The following SNTG2 variants were observed in gnomAD, a reference collection of about 807,000 sequenced individuals.
The protein encoded by SNTG2 is gamma-2-syntrophin.
In SNTG2, 74 loss-of-function variants were observed where a neutral mutation model predicts 70.9. That is an observed-to-expected ratio of 1.04 (90% confidence interval 0.86 to 1.27). SNTG2 has a LOEUF of 1.27. Among genes scored for constraint, SNTG2 ranks in the 50% most tolerant of loss-of-function variants. The probability of loss-of-function intolerance (pLI) is 0.00; values close to 1 mark genes in which losing one functional copy is unlikely to be tolerated. For synonymous variants in SNTG2, 278 were observed against 273.8 expected, an observed-to-expected ratio of 1.02 and a Z score of -0.15; for missense variants, 717 against 690.7, an observed-to-expected ratio of 1.04 and a Z score of -0.43.
At chr2:1,051,542 G>T (rs772198274) in intron 1 of SNTG2, among the ~76,000 whole-genome samples, 1 of 152,256 alleles carries the variant, frequency 6.6e-6, no homozygotes, top group South Asian at 2.1e-4. Context: ...ATTTGTACTC[G>T]GGGCAGCTTC....
At chr2:1,054,599 C>T (rs1021404221) in intron 1 of SNTG2, among the ~76,000 whole-genome samples, 12 of 152,096 alleles carry the variant, frequency 7.9e-5, no homozygotes, top group African/African-American at 2.2e-4. Context: ...CCCACAGAGC[C>T]GCCTTGGTGA....
At chr2:1,180,596 A>G (rs1671814926) in intron 8 of SNTG2, among the ~76,000 whole-genome samples, 1 of 147,750 alleles carries the variant, frequency 6.8e-6, no homozygotes, top group Non-Finnish European at 1.5e-5. Context: ...GTGGAGAAAT[A>G]GGAACACTTT....
intron 14 of SNTG2, among the ~76,000 whole-genome samples, chr2:1,268,055 T>C (rs908050437): frequency 6.6e-6 from 1 of 152,334 alleles, no homozygotes; most frequent in East Asian, 1.9e-4. Flanking sequence ...GAATTGCTTT[T>C]CTCTTCCTGA....
At chr2:1,361,790 AAGGTCACCGATGCT>A (rs1265808607) in intron 16 of SNTG2, among the ~76,000 whole-genome samples, 13 of 152,066 alleles carry the variant, frequency 8.5e-5, no homozygotes, top group Non-Finnish European at 1.0e-4. Context: ...AACTTCCATG[AAGGTCACCGATGCT>A]GAGCATTTCA....
intron 4 of SNTG2, among the ~76,000 whole-genome samples, chr2:1,106,678 G>A (rs1666181910): frequency 7.3e-6 from 1 of 136,344 alleles, no homozygotes; most frequent in Non-Finnish European, 1.5e-5. Flanking sequence ...GGTATGGAGA[G>A]CTCCTTGGTA....
chr2:1,239,598 A>T, intron 10 of SNTG2, 140 bp from the exon 11 acceptor site: 1 of 770,842 alleles, frequency 1.3e-6, no homozygotes, highest in Non-Finnish European at 2.1e-6. Flanking sequence ...GACTCTGGCT[A>T]GGTCTTCAGA....
At chr2:1,253,312 A>G (rs1677870027) in intron 12 of SNTG2, among the ~76,000 whole-genome samples, 1 of 151,502 alleles carries the variant, frequency 6.6e-6, no homozygotes, top group African/African-American at 2.4e-5. Flanking sequence ...CTCTTCCATC[A>G]CACTTTGGAA....
chr2:1,035,538 G>T (rs1351250041), intron 1 of SNTG2, among the ~76,000 whole-genome samples: 1 of 152,158 alleles, frequency 6.6e-6, no homozygotes, highest in Non-Finnish European at 1.5e-5. Context: ...TTCTAAAGAT[G>T]CTCATTGTGT....
chr2:1,224,822 G>A (rs1027797390), intron 9 of SNTG2, among the ~76,000 whole-genome samples: 19 of 152,166 alleles, frequency 1.2e-4, no homozygotes, highest in African/African-American at 4.3e-4. Flanking sequence ...CAGACGCAGC[G>A]TTTCCATCCC....
intron 15 of SNTG2, among the ~76,000 whole-genome samples, chr2:1,314,689 C>T (rs1232486244): frequency 2.6e-5 from 4 of 152,208 alleles, no homozygotes; most frequent in Admixed American, 2.6e-4. Context: ...AGTCCATTCT[C>T]ATACTGCTAT....
intron 16 of SNTG2, among the ~76,000 whole-genome samples, chr2:1,329,835 A>G (rs1659428711): frequency 6.6e-6 from 1 of 152,156 alleles, no homozygotes; most frequent in Non-Finnish European, 1.5e-5. Flanking sequence ...TTCTCTGTCA[A>G]GACAGTTGCT....
At chr2:1,305,269 C>T (rs984105402) in intron 14 of SNTG2, among the ~76,000 whole-genome samples, 18 of 152,216 alleles carry the variant, frequency 1.2e-4, no homozygotes, top group African/African-American at 4.1e-4. Flanking sequence ...CAAATGACTA[C>T]ACCAAATGAG....
intron 9 of SNTG2, among the ~76,000 whole-genome samples, chr2:1,234,158 C>T (rs192804981): frequency 3.3e-4 from 50 of 152,198 alleles, no homozygotes; most frequent in African/African-American, 1.1e-3. Context: ...CCGTGAAACT[C>T]GGAGGAAACA....
Position 1,162,366 on chromosome 2 carries a change from G to A in SNTG2, c.412-3182G>A, listed in dbSNP as rs192592259. Among the ~76,000 whole-genome samples, 15 of 152,286 alleles carry A rather than the reference G, an allele frequency of 9.8e-5. No homozygotes were observed. In the East Asian group the frequency reaches 1.5e-3, roughly 16 times the overall value. On this transcript the variant is annotated intron_variant, in intron 6 of 16. Coordinates refer to ENST00000308624, the MANE Select transcript of SNTG2 (RefSeq NM_018968.4). ...CTGGCTGGGCGACAGACTCACATAC[G>A]GAAGCTGTGTGTGGCCTGGTCCTTT...
intron 6 of SNTG2, chr2:1,163,520 A>G (rs1572615447): frequency 6.7e-6 from 1 of 148,818 alleles, no homozygotes; most frequent in African/African-American, 2.5e-5. Flanking sequence ...AGGAAGTGGC[A>G]TGTGAGGCCT....
Position 1,188,565 on chromosome 2 carries a change from G to A in SNTG2, c.591+15382G>A, listed in dbSNP as rs1027426379. 2.0e-5 allele frequency among the ~76,000 whole-genome samples: 3 copies of A among 152,124 alleles called. No homozygotes were observed. In the East Asian group the frequency reaches 5.8e-4, roughly 29 times the overall value. Reference sequence around the variant, plus strand: ...AATTCAATATATATACAATAATAATGAGCAATACCAGAAAACACATGTTAA... The same window carrying A: ...AATTCAATATATATACAATAATAATAAGCAATACCAGAAAACACATGTTAA... On this transcript the variant is annotated intron_variant, in intron 8 of 16. Coordinates refer to ENST00000308624, the MANE Select transcript of SNTG2 (RefSeq NM_018968.4).
intron 14 of SNTG2, among the ~76,000 whole-genome samples, chr2:1,294,304 C>A (rs57851629): frequency 0.017 from 2,541 of 152,262 alleles, 62 homozygotes; most frequent in African/African-American, 0.059. Flanking sequence ...AGGGACAGAC[C>A]CCAACCCTCA....
At chr2:1,080,805 G>T (rs1455442827) in intron 1 of SNTG2, among the ~76,000 whole-genome samples, 2 of 152,180 alleles carry the variant, frequency 1.3e-5, no homozygotes, top group African/African-American at 4.8e-5. Flanking sequence ...AGGCATGGCT[G>T]CTTCCTGGGT....
At chr2:1,330,656 G>A (rs1328330048) in intron 16 of SNTG2, among the ~76,000 whole-genome samples, 1 of 152,180 alleles carries the variant, frequency 6.6e-6, no homozygotes, top group African/African-American at 2.4e-5. Context: ...TCCACAACCT[G>A]CTTTTTAAAA....
Sources: allele counts gnomAD v4.1 joint callset (sites outside exome capture counted in the v4.1 genomes callset), GRCh38; gene constraint gnomAD v4.1.1; transcripts MANE v1.5; gene names NCBI Gene and HGNC (gene_info 2026-07-23, HGNC 2026-07-21).